NTM: variants seen among roughly 807,000 people sequenced by gnomAD.
The protein encoded by NTM is neurotrimin, also known as IgLON family member 2.
NTM carries 13 observed loss-of-function variants against 42.1 expected under a neutral mutation model. The observed-to-expected ratio is 0.31, with a 90% CI of 0.20 to 0.49. NTM has a LOEUF of 0.49. Ranked by LOEUF, NTM falls within the 20% of genes least tolerant of loss-of-function variation. The pLI, the probability that NTM is intolerant of heterozygous loss-of-function variation, is 0.99. For missense variants in NTM, 373 were observed against 452.8 expected, an observed-to-expected ratio of 0.82 and a Z score of 1.60; for synonymous variants, 187 against 179.2, an observed-to-expected ratio of 1.04 and a Z score of -0.35.
chr11:131,387,347 C>T (rs558494027), intron 1 of NTM, among the ~76,000 whole-genome samples: 23 of 152,194 alleles, frequency 1.5e-4, no homozygotes, highest in African/African-American at 5.5e-4. Context: ...CCCAGCACTC[C>T]CCTCTTCACT....
intron 1 of NTM, among the ~76,000 whole-genome samples, chr11:131,424,625 A>ATTT (rs1947911121): frequency 1.1e-4 from 3 of 28,266 alleles, no homozygotes; most frequent in Admixed American, 4.0e-4. Context: ...TTTTGGCGCA[A>ATTT]TCTTGGCTCA....
At position 132,039,931 on chromosome 11, in the gene NTM, C is replaced by CT. The variant is rs554851283; in HGVS notation, c.168-106341dup. Among the ~76,000 whole-genome samples, 898 of 150,130 alleles carry CT rather than the reference C, an allele frequency of 6.0e-3. 12 individuals are homozygous for CT. Among genetic ancestry groups the CT allele is most frequent in the African/African-American group, 0.018 (752 of 40,948 alleles). ...AAAGTCATTCCCAAAGCAGATATTA[C>CT]TTTTTTTTTTGGAGACAGAGTCTCG... On this transcript the variant is annotated intron_variant, in intron 2 of 8. Coordinates refer to ENST00000683400, the MANE Select transcript of NTM (RefSeq NM_001352005.2).
At chr11:131,691,565 C>CCG (rs796828164) in intron 1 of NTM, among the ~76,000 whole-genome samples, 6 of 152,138 alleles carry the variant, frequency 3.9e-5, no homozygotes, top group African/African-American at 1.4e-4. Flanking sequence ...AAAGCCCCCC[C>CCG]CCGACTTCCC....
intron 1 of NTM, among the ~76,000 whole-genome samples, chr11:131,387,809 A>T (rs952100260): frequency 6.6e-6 from 1 of 150,420 alleles, no homozygotes; most frequent in South Asian, 2.1e-4. Context: ...CTCCCCCCTT[A>T]AAAAAAAAGG....
chr11:131,855,095 C>T (rs995202096), intron 1 of NTM, among the ~76,000 whole-genome samples: 13 of 152,060 alleles, frequency 8.5e-5, no homozygotes, highest in Non-Finnish European at 1.8e-4. Flanking sequence ...GGACAGGGAA[C>T]ACAGGTGATC....
chr11:131,429,940 A>G (rs961750892), intron 1 of NTM, among the ~76,000 whole-genome samples: 4 of 152,206 alleles, frequency 2.6e-5, no homozygotes, highest in African/African-American at 9.6e-5. Flanking sequence ...TCTGTCCCAA[A>G]TATTATTGGA....
intron 4 of NTM, among the ~76,000 whole-genome samples, chr11:132,255,953 C>A (rs117021514): frequency 6.6e-6 from 1 of 152,276 alleles, no homozygotes; most frequent in East Asian, 1.9e-4. Flanking sequence ...TGCAAAACAT[C>A]AGAACCAAAG....
intron 1 of NTM, among the ~76,000 whole-genome samples, chr11:131,592,220 A>G (rs73588492): frequency 1.1e-4 from 17 of 152,168 alleles, no homozygotes; most frequent in African/African-American, 4.1e-4. Context: ...CTGCTAAAAA[A>G]TGTGGTAGAG....
intron 1 of NTM, among the ~76,000 whole-genome samples, chr11:131,817,409 A>G (rs1340371077): frequency 6.6e-6 from 1 of 152,206 alleles, no homozygotes; most frequent in African/African-American, 2.4e-5. Context: ...AATGGATAGT[A>G]CTGACTTTTT....
At chr11:131,716,344 C>T (rs1209830575) in intron 1 of NTM, among the ~76,000 whole-genome samples, 1 of 152,142 alleles carries the variant, frequency 6.6e-6, no homozygotes, top group Non-Finnish European at 1.5e-5. Flanking sequence ...AATATTCAGA[C>T]CATAGCCTAA....
chr11:132,059,542 G>C (rs891629623), intron 2 of NTM, among the ~76,000 whole-genome samples: 2 of 152,164 alleles, frequency 1.3e-5, no homozygotes, highest in Admixed American at 1.3e-4. Context: ...CAGTAAGTGT[G>C]TGGTACCGGC....
chr11:131,383,325 CAGTT>C (rs1379564126), intron 1 of NTM, among the ~76,000 whole-genome samples: 1 of 152,168 alleles, frequency 6.6e-6, no homozygotes, highest in East Asian at 1.9e-4. Flanking sequence ...TTCCTGCACT[CAGTT>C]AGATAGACAA....
intron 1 of NTM, among the ~76,000 whole-genome samples, chr11:131,568,816 A>G (rs1312296338): frequency 6.6e-6 from 1 of 152,196 alleles, no homozygotes; most frequent in Non-Finnish European, 1.5e-5. Flanking sequence ...AATGTTGGGG[A>G]GGATTACAAA....
intron 1 of NTM, among the ~76,000 whole-genome samples, chr11:131,692,609 G>A (rs2074932200): frequency 6.6e-6 from 1 of 152,220 alleles, no homozygotes; most frequent in Non-Finnish European, 1.5e-5. Flanking sequence ...TTCCATTTTG[G>A]CATCTGGGCC....
intron 1 of NTM, among the ~76,000 whole-genome samples, chr11:131,577,605 C>T (rs2058048346): frequency 6.6e-6 from 1 of 152,180 alleles, no homozygotes; most frequent in Non-Finnish European, 1.5e-5. Context: ...AAAATAGTAA[C>T]ATTTCTTGGA....
chr11:131,656,700 C>T lies in NTM; in HGVS notation c.83-254864C>T, dbSNP rs138395883. 2.8e-4 allele frequency among the ~76,000 whole-genome samples: 43 copies of T among 152,196 alleles called. 2 individuals carry two copies. The highest frequency in any genetic ancestry group is 1.5e-3 in the South Asian group (7 of 4,810). ...GGAGGAGGAGGAAGGGGCACTACCT[C>T]GTTCTGCCCCTGCGCGCTGAGCTCT... On this transcript the variant is annotated intron_variant, in intron 1 of 8. Coordinates refer to ENST00000683400, the MANE Select transcript of NTM (RefSeq NM_001352005.2).
intron 1 of NTM, among the ~76,000 whole-genome samples, chr11:131,715,307 A>C (rs1043956765): frequency 2.6e-5 from 4 of 152,224 alleles, no homozygotes; most frequent in African/African-American, 4.8e-5. Flanking sequence ...TTGTGTAATG[A>C]GTCCAGCAAT....
At chr11:132,048,818 C>T (rs200624299) in intron 2 of NTM, among the ~76,000 whole-genome samples, 155 of 132,976 alleles carry the variant, frequency 1.2e-3, no homozygotes, top group Non-Finnish European at 2.2e-3. Flanking sequence ...TTTCTTTTTT[C>T]TTTTTTTTTT....
intron 2 of NTM, among the ~76,000 whole-genome samples, chr11:132,055,663 G>A (rs931213630): frequency 4.2e-5 from 5 of 118,502 alleles, no homozygotes; most frequent in Admixed American, 8.6e-5. Context: ...GAGAGAGAGA[G>A]CGAGAGTGAG....
Sources: gnomAD v4.1 joint callset for allele counts (sites outside exome capture counted in the v4.1 genomes callset) on GRCh38, gnomAD v4.1.1 for gene constraint, MANE v1.5 for transcripts, NCBI Gene and HGNC (gene_info 2026-07-23, HGNC 2026-07-21) for gene names.